The following SLC2A9 variants were observed in gnomAD, a reference collection of about 807,000 sequenced individuals.
SLC2A9 encodes solute carrier family 2, facilitated glucose transporter member 9.
Under a neutral mutation model 50.6 loss-of-function variants are expected in SLC2A9, and 39 were observed. The observed-to-expected ratio is 0.77, with a 90% CI of 0.60 to 1.01. The LOEUF is 1.01. Among genes scored for constraint, SLC2A9 ranks in the 50% least tolerant of loss-of-function variants. The pLI, the probability that SLC2A9 is intolerant of heterozygous loss-of-function variation, is 0.00. For missense variants in SLC2A9, 686 were observed against 677.6 expected (o/e 1.01, Z -0.14); for synonymous variants, 324 against 276.9 (o/e 1.17, Z -1.69).
chr4:10,000,527 T>C (rs1759594372), intron 2 of SLC2A9, among the ~76,000 whole-genome samples: 1 of 152,216 alleles, frequency 6.6e-6, no homozygotes, highest in Non-Finnish European at 1.5e-5. Context: ...ATCTGGTTGC[T>C]TCACTCTGCT....
At chr4:9,893,553 G>A (rs1343119319) in intron 8 of SLC2A9, among the ~76,000 whole-genome samples, 14 of 151,364 alleles carry the variant, frequency 9.2e-5, no homozygotes, top group Non-Finnish European at 1.3e-4. Flanking sequence ...AGGCAGAGAG[G>A]GACGGAGGGA....
At chr4:9,782,747 A>C in intron 3 of SLC2A9, 1 of 1,613,990 alleles carries the variant, frequency 6.2e-7, no homozygotes, top group Non-Finnish European at 8.5e-7. Flanking sequence ...CCCCGTTGCC[A>C]TCATGATCGT....
intron 1 of SLC2A9, among the ~76,000 whole-genome samples, chr4:10,032,736 C>G (rs902966269): frequency 6.6e-6 from 1 of 152,130 alleles, no homozygotes; most frequent in Non-Finnish European, 1.5e-5. Flanking sequence ...CTGTCATTAC[C>G]CAGCCCGTGC....
At chr4:9,836,579 C>T (rs1257849508) in intron 10 of SLC2A9, among the ~76,000 whole-genome samples, 1 of 152,156 alleles carries the variant, frequency 6.6e-6, no homozygotes, top group Non-Finnish European at 1.5e-5. Flanking sequence ...GTCCAGACAC[C>T]TGAAGGAGGC....
chr4:9,775,536 T>G (rs115795392), downstream of SLC2A9, among the ~76,000 whole-genome samples: 51 of 152,142 alleles, frequency 3.4e-4, no homozygotes, highest in Middle Eastern at 6.8e-3. Context: ...GTGGGAGTTG[T>G]TTTGACCATG....
chr4:10,017,754 C>T (rs1270706480), intron 2 of SLC2A9, among the ~76,000 whole-genome samples: 9 of 152,176 alleles, frequency 5.9e-5, no homozygotes, highest in Non-Finnish European at 1.3e-4. Context: ...GCTTGTGCTC[C>T]AAGAACCTGG....
chr4:9,942,129 C>T, intron 5 of SLC2A9, 84 bp from the exon 6 acceptor site: 3 of 1,560,524 alleles, frequency 1.9e-6, no homozygotes, highest in Middle Eastern at 3.4e-4. Flanking sequence ...GTGGTTTCGA[C>T]CCTGCAGAAG....
chr4:9,879,577 T>C (rs1221927260), intron 10 of SLC2A9: 2 of 985,232 alleles, frequency 2.0e-6, no homozygotes, highest in African/African-American at 1.7e-5. Flanking sequence ...AAGCAAGGTA[T>C]GTGCTGAGGC....
At chr4:9,895,563 A>G (rs907516452) in intron 8 of SLC2A9, among the ~76,000 whole-genome samples, 1 of 152,228 alleles carries the variant, frequency 6.6e-6, no homozygotes, top group Non-Finnish European at 1.5e-5. Context: ...CTCTGGAGCC[A>G]TGGGGTCACC....
intron 7 of SLC2A9, among the ~76,000 whole-genome samples, chr4:9,911,047 C>T (rs528105002): frequency 1.0e-3 from 152 of 152,112 alleles, no homozygotes; most frequent in African/African-American, 3.6e-3. Flanking sequence ...ATATCCAATG[C>T]AGATGACAGG....
intron 3 of SLC2A9, chr4:9,782,498 G>A: frequency 6.2e-7 from 1 of 1,613,998 alleles, no homozygotes; most frequent in Non-Finnish European, 8.5e-7. Context: ...TCAGCGCATG[G>A]CCTTGGTCAT....
At chr4:9,899,360 C>G (rs1739178880) in intron 8 of SLC2A9, among the ~76,000 whole-genome samples, 1 of 152,202 alleles carries the variant, frequency 6.6e-6, no homozygotes, top group African/African-American at 2.4e-5. Context: ...AACAGAAGGC[C>G]AAGGTACATT....
rs116671584 is a variant in SLC2A9, at chr4:9,791,967, C to T, written n.386-11902G>A. Among the ~76,000 whole-genome samples, 798 of 152,210 alleles carry T rather than the reference C, an allele frequency of 5.2e-3. 6 individuals carry two copies. The highest frequency in any genetic ancestry group is 0.018 in the African/African-American group (737 of 41,530). On this transcript the variant is annotated intron_variant and non_coding_transcript_variant, in intron 3 of 3. Coordinates refer to the SLC2A9 transcript ENST00000503803. ...AAAAGGGAGAGAACATTTATTGAAT[C>T]CTTCACTATACCCCAGGTACTTTGT... is the stretch of plus-strand genomic sequence containing the variant.
At chr4:9,957,130 AG>A (rs1258738659) in intron 5 of SLC2A9, among the ~76,000 whole-genome samples, 2 of 152,094 alleles carry the variant, frequency 1.3e-5, no homozygotes, top group Non-Finnish European at 2.9e-5. Context: ...GGGAACCAGA[AG>A]ATGGGGTTCA....
chr4:10,037,823 T>A (rs1323911055), intron 1 of SLC2A9, among the ~76,000 whole-genome samples: 1 of 152,066 alleles, frequency 6.6e-6, no homozygotes, highest in African/African-American at 2.4e-5. Context: ...GGGTAGCGCA[T>A]GCCTGTAATC....
downstream of SLC2A9, among the ~76,000 whole-genome samples, chr4:9,795,007 C>CTTTTTTTTT (rs3060726): frequency 5.3e-5 from 5 of 95,178 alleles, no homozygotes; most frequent in Non-Finnish European, 5.8e-5. Context: ...TTAACCCATC[C>CTTTTTTTTT]TTTTTTTTTT....
chr4:9,877,383 C>T (rs1047389713), intron 10 of SLC2A9, among the ~76,000 whole-genome samples: 1 of 152,214 alleles, frequency 6.6e-6, no homozygotes. Context: ...TGGGGTAGTG[C>T]CTGCCCCCCT....
At chr4:10,030,059 T>C (rs1209630231) in intron 1 of SLC2A9, among the ~76,000 whole-genome samples, 1 of 152,138 alleles carries the variant, frequency 6.6e-6, no homozygotes, top group Non-Finnish European at 1.5e-5. Context: ...TAAAAAGACA[T>C]GCATATATAT....
chr4:10,001,331 A>G (rs2109333299), intron 2 of SLC2A9, among the ~76,000 whole-genome samples: 1 of 152,278 alleles, frequency 6.6e-6, no homozygotes, highest in East Asian at 1.9e-4. Context: ...AAATGTGGAG[A>G]TAGACAGGCA....
Sources: allele counts gnomAD v4.1 joint callset (sites outside exome capture counted in the v4.1 genomes callset), GRCh38; gene constraint gnomAD v4.1.1; transcripts MANE v1.5; gene names NCBI Gene and HGNC (gene_info 2026-07-23, HGNC 2026-07-21).